Variants in LBP observed in about 807,000 individuals in gnomAD.
LBP encodes the protein lipopolysaccharide binding protein.
LBP carries 53 observed loss-of-function variants against 56.6 expected under a neutral mutation model. That is an observed-to-expected ratio of 0.94 (90% confidence interval 0.75 to 1.18). The LOEUF is 1.18. Ranked by LOEUF, LBP falls within the 50% of genes most tolerant of loss-of-function variation. LBP has a pLI of 0.00. For synonymous variants in LBP, 227 were observed against 247.5 expected, an observed-to-expected ratio of 0.92 and a Z score of 0.78; for missense variants, 601 against 598.3, an observed-to-expected ratio of 1.00 and a Z score of -0.05.
chr20:38,353,841 G>A (rs995763463), intron 3 of LBP, among the ~76,000 whole-genome samples: 4 of 151,554 alleles, frequency 2.6e-5, no homozygotes, highest in African/African-American at 9.7e-5. Context: ...TGCATTTCCT[G>A]TTCATATCTT....
intron 6 of LBP, among the ~76,000 whole-genome samples, chr20:38,363,091 C>A (rs964075324): frequency 2.6e-5 from 4 of 152,110 alleles, no homozygotes; most frequent in Non-Finnish European, 5.9e-5. Flanking sequence ...CTGTTGAAGG[C>A]CATCTGGGGG....
chr20:38,351,971 G>C (rs980544189), intron 3 of LBP, among the ~76,000 whole-genome samples: 1 of 151,758 alleles, frequency 6.6e-6, no homozygotes, highest in Non-Finnish European at 1.5e-5. Context: ...CCTGGAGGCA[G>C]AGGTTGCACA....
rs79089637 is a variant in LBP at position 38,348,707 on chromosome 20, C to G, written c.125-841C>G. ...GGAGTGCTTGTTATCCTCACAGCCC[C>G]CTTCTTGCTTTGCAGTTTCAATGGC... On this transcript the variant is annotated intron_variant, in intron 1 of 14. Coordinates refer to ENST00000217407, the MANE Select transcript of LBP (RefSeq NM_004139.5). 6.8e-4 allele frequency among the ~76,000 whole-genome samples: 103 copies of G among 152,130 alleles called. No homozygotes were observed. The East Asian group carries it at 0.016, about 23-fold the overall frequency.
chr20:38,349,087 G>A (rs1009479947), intron 1 of LBP, among the ~76,000 whole-genome samples: 4 of 152,304 alleles, frequency 2.6e-5, no homozygotes, highest in South Asian at 4.1e-4. Context: ...GAGCCACCAC[G>A]CCCAGCAAAT....
rs1193746925 is a variant in LBP at position 38,360,760 on chromosome 20, TC to T, written c.646del (p.Leu216CysfsTer17). 6.2e-7 allele frequency: 1 copy of T among 1,611,060 alleles called. No individual in the cohort carries two copies. The highest frequency in any genetic ancestry group is 1.1e-5 in the South Asian group (1 of 91,020). ...CCGATCTACAGCCTTATCTCCAAAC[TC>T]TGCCAGGTAGGACACCCCATCCATC... Reference protein sequence around the residue: ...SSDLQPYLQTLPVTTEIDSFA... With the variant: ...SSDLQPYLQTXPVTTEIDSFA... On this transcript the variant is annotated frameshift_variant, in exon 6 of 15. Transcript: ENST00000217407. LOFTEE classifies it high-confidence loss of function.
At chr20:38,362,062 T>TC (rs1268295387) in intron 6 of LBP, among the ~76,000 whole-genome samples, 3 of 146,938 alleles carry the variant, frequency 2.0e-5, no homozygotes, top group East Asian at 4.0e-4. Flanking sequence ...TCTTTTTTTT[T>TC]TTTTTTTTTT....
chr20:38,364,558 C>G lies in LBP; in HGVS notation c.745-18C>G. On this transcript the variant is annotated intron_variant, in intron 7 of 14. Coordinates refer to ENST00000217407, the MANE Select transcript of LBP (RefSeq NM_004139.5). ...ATAGGCTTTGAAAAGTCCAATTGGA[C>G]CCTATTTCCCTCTCCAGGGTGAAAT... is the stretch of plus-strand genomic sequence containing the variant. 1 of 1,613,516 alleles carries G rather than the reference C, an allele frequency of 6.2e-7. No homozygotes were observed. The highest frequency in any genetic ancestry group is 1.7e-4 in the Middle Eastern group (1 of 5,888).
intron 3 of LBP, 128 bp downstream of exon 3, chr20:38,351,067 G>A: frequency 8.2e-7 from 1 of 1,219,040 alleles, no homozygotes; most frequent in South Asian, 1.5e-5. Context: ...CAAGCCCGGA[G>A]GTGGCCTGGG....
Position 38,376,623 on chromosome 20 carries a change from A to G in LBP, c.1402-2A>G. 1 of 1,613,756 alleles carries G rather than the reference A, an allele frequency of 6.2e-7. No homozygotes were observed. The highest frequency in any genetic ancestry group is 8.5e-7 in the Non-Finnish European group (1 of 1,179,698). On this transcript the variant is annotated splice_acceptor_variant, in intron 14 of 14. Transcript: ENST00000217407. LOFTEE classifies it high-confidence loss of function. ...CATCCTGTCCTGTCCTGTTTTTCCT[A>G]GGACTTCCTGTTCTTGGGTGCCAAT...
chr20:38,348,317 ATT>A (rs766381612), intron 1 of LBP, among the ~76,000 whole-genome samples: 3 of 143,810 alleles, frequency 2.1e-5, no homozygotes, highest in African/African-American at 5.1e-5. Context: ...TCCTTTCCAT[ATT>A]TTTTTTTTTT....
At position 38,354,500 on chromosome 20, in the gene LBP, C is replaced by T. The variant is rs1170953398; in HGVS notation, c.524+61C>T. 1.7e-5 allele frequency: 25 copies of T among 1,484,736 alleles called. No individual in the cohort carries two copies. The East Asian group carries it at 3.5e-4, about 21-fold the overall frequency. The allele number at this position is 1,484,736 out of a possible 1,614,324, so 92.0% of individuals were successfully genotyped here. ...TGGTTGCAGCTCCCGGCCAATCCAG[C>T]GCTCAGCCTGGCCTCCGATAATTGC... On this transcript the variant is annotated intron_variant, in intron 4 of 14. Coordinates refer to ENST00000217407, the MANE Select transcript of LBP (RefSeq NM_004139.5).
intron 11 of LBP, among the ~76,000 whole-genome samples, chr20:38,371,057 TAA>T (rs1225249020): frequency 2.6e-5 from 4 of 152,210 alleles, no homozygotes; most frequent in East Asian, 3.8e-4. Flanking sequence ...CCTGAAATGA[TAA>T]AGAGTGAGCT....
intron 4 of LBP, among the ~76,000 whole-genome samples, chr20:38,354,752 C>A (rs2076832755): frequency 6.6e-6 from 1 of 152,080 alleles, no homozygotes; most frequent in Non-Finnish European, 1.5e-5. Context: ...AGTCCTTGGA[C>A]AAGTCATTTC....
At chr20:38,350,773 C>T in intron 2 of LBP, 38 bp from the exon 3 acceptor site, 1 of 1,581,710 alleles carries the variant, frequency 6.3e-7, no homozygotes, top group Non-Finnish European at 8.6e-7. Flanking sequence ...TGGGTCCAGG[C>T]CCAGGGCTGA....
In LBP at chr20:38,353,944, TTGGCTCTTTAGA is replaced by T. The variant is rs2076829515; in HGVS notation, c.369-337_369-326del. 2.0e-5 allele frequency among the ~76,000 whole-genome samples: 3 copies of T among 152,252 alleles called. No homozygotes were observed. In the East Asian group the frequency reaches 5.8e-4, roughly 29 times the overall value. On this transcript the variant is annotated intron_variant, in intron 3 of 14. Coordinates refer to ENST00000217407, the MANE Select transcript of LBP (RefSeq NM_004139.5). ...GAAATAAGCCCATATATTAAGGAAA[TTGGCTCTTTAGA>T]TGTCTCATACTGCAATTTTTTTTTT...
intron 10 of LBP, 37 bp from the exon 11 acceptor site, chr20:38,370,700 CA>C (rs773920661): frequency 2.6e-5 from 41 of 1,574,344 alleles, no homozygotes; most frequent in Non-Finnish European, 3.6e-5. Flanking sequence ...ATACAACCTT[CA>C]TCACTTACAC....
chr20:38,374,782 T>A (rs2076912307), intron 14 of LBP, among the ~76,000 whole-genome samples: 1 of 121,600 alleles, frequency 8.2e-6, no homozygotes, highest in Admixed American at 8.7e-5. Context: ...CAACCATATA[T>A]ACTTTTTTTT....
In LBP at chr20:38,354,404, C is replaced by T. The variant is rs994742736; in HGVS notation, c.489C>T (p.Ile163=). The T allele has an allele frequency of 1.4e-5, 22 of 1,613,062 alleles. No homozygotes were observed. Among genetic ancestry groups the T allele is most frequent in the African/African-American group, 8.0e-5 (6 of 74,900 alleles). Residue 163 remains isoleucine (I), a synonymous_variant, in exon 4 of 15, where the codon ATC becomes ATT. Coordinates refer to ENST00000217407, the MANE Select transcript of LBP (RefSeq NM_004139.5). The part of the protein sequence containing the change: ...TVTASSCSSD[I]ADVEVDMSGD... The stretch of plus-strand genomic sequence containing the variant: ...CTGCCTCCAGCTGCAGCAGTGACAT[C>T]GCTGACGTGGAGGTGGACATGTCGG...
rs755002481 is a variant in LBP at position 38,363,955 on chromosome 20, T to C, written c.653-20T>C. On this transcript the variant is annotated intron_variant, in intron 6 of 14. Coordinates refer to ENST00000217407, the MANE Select transcript of LBP (RefSeq NM_004139.5). ...GAAAGTGTCATCTGGCCCCTAATTC[T>C]GCCCTGTCCTCATTCACAGTTACAA... The C allele has an allele frequency of 6.3e-6, 10 of 1,581,590 alleles. No individual in the cohort carries two copies. The South Asian group carries it at 1.1e-4, about 17-fold the overall frequency.
Sources: allele counts gnomAD v4.1 joint callset (sites outside exome capture counted in the v4.1 genomes callset), GRCh38; gene constraint gnomAD v4.1.1; transcripts MANE v1.5; gene names NCBI Gene and HGNC (gene_info 2026-07-23, HGNC 2026-07-21).